The following ZNF347 variants were observed in gnomAD, a reference collection of about 807,000 sequenced individuals.
ZNF347 encodes the protein zinc finger protein 347, also known as CTD-2620I22.7.
ZNF347 carries 19 observed loss-of-function variants against 12.9 expected under a neutral mutation model. That is an observed-to-expected ratio of 1.47 (90% CI 1.03 to 2.16). The LOEUF is 2.16. Ranked by LOEUF, ZNF347 falls within the 30% of genes most tolerant of loss-of-function variation. The probability of loss-of-function intolerance (pLI) is 0.00; values close to 1 mark genes in which losing one functional copy is unlikely to be tolerated. For missense variants in ZNF347, 1,005 were observed against 990.6 expected (o/e 1.01, Z -0.19); for synonymous variants, 328 against 340.6 (o/e 0.96, Z 0.41).
rs925415508 is a variant in ZNF347, at chr19:53,138,031, T to C, written c.*2277A>G. 1 of 152,078 alleles carries C rather than the reference T, an allele frequency of 6.6e-6. No homozygotes were observed. Among genetic ancestry groups the C allele is most frequent in the African/African-American group, 2.4e-5 (1 of 41,396 alleles). The allele number at this position is 152,078 out of a possible 1,614,324, so 9.4% of individuals were successfully genotyped here. ...ACTGTGTTGGCCAGGGTGGTCTCGA[T>C]TTTCTGACCCCATGATCCACCCGCC... On this transcript the variant is annotated 3_prime_UTR_variant, in exon 5 of 5. Coordinates refer to ENST00000334197, the MANE Select transcript of ZNF347 (RefSeq NM_032584.3).
intron 2 of ZNF347, among the ~76,000 whole-genome samples, chr19:53,151,534 T>TAAAAAAAAAAAAAAAAA (rs34905550): frequency 2.5e-5 from 2 of 80,366 alleles, no homozygotes; most frequent in East Asian, 3.7e-4. Flanking sequence ...CAAGACTGTC[T>TAAAAAAAAAAAAAAAAA]AAAAAAAAAA....
At position 53,141,923 on chromosome 19, in the gene ZNF347, G is replaced by C. The variant is rs2090430982; in HGVS notation, c.905C>G (p.Ser302Ter). 5.0e-6 allele frequency: 8 copies of C among 1,613,732 alleles called. No individual in the cohort carries two copies. Among genetic ancestry groups the C allele is most frequent in the Non-Finnish European group, 6.8e-6 (8 of 1,179,956 alleles). ...GATCACCTGATGGGTAGTTAGGTTT[G>C]AACGTGTTCTAAAGGCTTTGCCACA... ...YECGKAFRTR[S>*]NLTTHQVIHT... The change falls in exon 5 of 5, where the codon TCA becomes TGA. Residue 302 changes from serine (S) to a stop codon, truncating the protein, a stop_gained. Transcript: ENST00000334197. LOFTEE classifies it low-confidence loss of function (END_TRUNC).
At position 53,136,034 on chromosome 19, in the gene ZNF347, C is replaced by T. The variant is rs1186170293; in HGVS notation, c.*4274G>A. On this transcript the variant is annotated 3_prime_UTR_variant, in exon 5 of 5. Transcript: ENST00000334197. ...GGGATTCAATGAGAGAAATTATCTCCTTTGCATAAATGATAATTAATATCT... is the reference window on the plus strand; with the variant it reads ...GGGATTCAATGAGAGAAATTATCTCTTTTGCATAAATGATAATTAATATCT... 1 of 151,912 alleles carries T rather than the reference C, an allele frequency of 6.6e-6. No homozygotes were observed. Among genetic ancestry groups the T allele is most frequent in the East Asian group, 1.9e-4 (1 of 5,190 alleles). The allele number at this position is 151,912 out of a possible 1,614,324, so 9.4% of individuals were successfully genotyped here. A position where few individuals can be genotyped will look rare whatever the true frequency, so the allele number is the denominator to read the frequency against.
intron 1 of ZNF347, among the ~76,000 whole-genome samples, chr19:53,154,266 G>A (rs2090517501): frequency 6.6e-6 from 1 of 151,946 alleles, no homozygotes; most frequent in African/African-American, 2.4e-5. Context: ...AAGATCAGTT[G>A]AGGCCAGGAG....
chr19:53,135,317 TA>T lies in ZNF347; in HGVS notation c.*4990del. 3.5e-5 allele frequency: 1 copy of T among 28,516 alleles called. No individual in the cohort carries two copies. The highest frequency in any genetic ancestry group is 8.5e-5 in the Non-Finnish European group (1 of 11,726). 1.8% of individuals were successfully genotyped at this position (28,516 alleles called of 1,614,324 possible). A position where few individuals can be genotyped will look rare whatever the true frequency, so the allele number is the denominator to read the frequency against. On this transcript the variant is annotated 3_prime_UTR_variant, in exon 5 of 5. Coordinates refer to ENST00000334197, the MANE Select transcript of ZNF347 (RefSeq NM_032584.3). ...TTTTCTAAATATATATATATATATATATATATATATATATATATATATAGAG... is the reference window on the plus strand; with the variant it reads ...TTTTCTAAATATATATATATATATATTATATATATATATATATATATAGAG...
chr19:53,141,498 G>C lies in ZNF347; in HGVS notation c.1330C>G (p.Leu444Val), dbSNP rs376850900. ...CGKAFGVRSS[L>V]AIHLVIHTGE... is the part of the protein sequence containing the mutation. Reference sequence around the variant, plus strand: ...GTGTGAATTACCAGATGAATAGCTAGGCTTGAACGAACACCAAAGGCTTTG... The same window carrying C: ...GTGTGAATTACCAGATGAATAGCTACGCTTGAACGAACACCAAAGGCTTTG... The change falls in exon 5 of 5, where the codon CTA becomes GTA. Residue 444 changes from leucine (L) to valine (V), a missense_variant. Physicochemically the swap from Leu to Val is conservative, Grantham distance 32 (BLOSUM62 1). Coordinates refer to ENST00000334197, the MANE Select transcript of ZNF347 (RefSeq NM_032584.3). The C allele has an allele frequency of 1.1e-5, 18 of 1,613,898 alleles. No individual in the cohort carries two copies. The highest frequency in any genetic ancestry group is 1.4e-5 in the Non-Finnish European group (16 of 1,179,998).
Position 53,148,716 on chromosome 19 carries a change from G to T in ZNF347, c.236C>A (p.Pro79Gln), listed in dbSNP as rs1293612253. 6 of 1,613,850 alleles carry T rather than the reference G, an allele frequency of 3.7e-6. No homozygotes were observed. Among genetic ancestry groups the T allele is most frequent in the Non-Finnish European group, 5.1e-6 (6 of 1,179,908 alleles). ...LESQVQIAGN[P>Q]DGWEWIKAVI... is the part of the protein sequence containing the mutation. The stretch of plus-strand genomic sequence containing the variant: ...AGCTTTGATCCATTCCCATCCATCT[G>T]GGTTTCCTGCTATTTGTACTTGGCT... Residue 79 changes from proline to glutamine, a missense_variant, in exon 4 of 5, where the codon CCA (proline) becomes CAA (glutamine). Coordinates refer to ENST00000334197, the MANE Select transcript of ZNF347 (RefSeq NM_032584.3).
At chr19:53,150,772 C>T (rs1198497702) in intron 2 of ZNF347, among the ~76,000 whole-genome samples, 1 of 152,184 alleles carries the variant, frequency 6.6e-6, no homozygotes, top group Non-Finnish European at 1.5e-5. Context: ...GACAGAGTCG[C>T]TCTATCACCC....
At position 53,148,566 on chromosome 19, in the gene ZNF347, C is replaced by T. The variant is rs535289543; in HGVS notation, c.271+115G>A. 7.2e-5 allele frequency: 90 copies of T among 1,250,960 alleles called. 1 individual carries two copies. The highest frequency in any genetic ancestry group is 6.9e-4 in the South Asian group (42 of 61,046). The allele number at this position is 1,250,960 out of a possible 1,614,324, so 77.5% of individuals were successfully genotyped here. ...GACAAAAGGGGGCAAATAAAGATTT[C>T]TGTTCTGAGGTCACAGAATTCAAAC... On this transcript the variant is annotated intron_variant, in intron 4 of 4. Transcript: ENST00000334197.
Position 53,140,103 on chromosome 19 carries a change from T to C in ZNF347, c.*205A>G. 3.9e-6 allele frequency: 2 copies of C among 510,864 alleles called. No homozygotes were observed. Among genetic ancestry groups the C allele is most frequent in the Non-Finnish European group, 6.8e-6 (2 of 294,122 alleles). 31.6% of individuals were successfully genotyped at this position (510,864 alleles called of 1,614,324 possible). A position where few individuals can be genotyped will look rare whatever the true frequency, so the allele number is the denominator to read the frequency against. On this transcript the variant is annotated 3_prime_UTR_variant, in exon 5 of 5. Coordinates refer to ENST00000334197, the MANE Select transcript of ZNF347 (RefSeq NM_032584.3). Reference sequence around the variant, plus strand: ...TTAGTAGAAATGGGGTTTCGCCATGTTGGTCAGGCTGGTCTTGAACTCCTG... The same window carrying C: ...TTAGTAGAAATGGGGTTTCGCCATGCTGGTCAGGCTGGTCTTGAACTCCTG...
At position 53,142,344 on chromosome 19, in the gene ZNF347, T is replaced by C. The variant is rs780712261; in HGVS notation, c.484A>G (p.Asn162Asp). The C allele has an allele frequency of 5.0e-6, 8 of 1,614,174 alleles. No individual in the cohort carries two copies. Among genetic ancestry groups the C allele is most frequent in the Non-Finnish European group, 6.8e-6 (8 of 1,180,016 alleles). The change falls in exon 5 of 5, where the codon AAT becomes GAT. Residue 162 changes from asparagine (N) to aspartate (D), a missense_variant. Asn to Asp is a conservative substitution (Grantham distance 23). Coordinates refer to ENST00000334197, the MANE Select transcript of ZNF347 (RefSeq NM_032584.3). ...TGTTCATCTCTTCCATGAGTGAGAT[T>C]GCCTTCTTGGGTCAAAAGCACTCCT... ...YKGVLLTQEG[N>D]LTHGRDEHDK...
chr19:53,140,364 C>T lies in ZNF347; in HGVS notation c.2464G>A (p.Val822Met), dbSNP rs368225234. The T allele has an allele frequency of 1.2e-4, 192 of 1,596,806 alleles. No individual in the cohort carries two copies. Among genetic ancestry groups the T allele is most frequent in the Non-Finnish European group, 1.6e-4 (182 of 1,173,018 alleles). ...AACTCTGACTTTAGAACTTTCCACA[C>T]GTTACATTTGTAAGGTTTCCCACCA... ...HTGGKPYKCN[V>M]WKVLKSEFKP... Residue 822 changes from valine (V) to methionine (M), a missense_variant, in exon 5 of 5, where the codon GTG becomes ATG. By Grantham distance (21) the Val-to-Met change is conservative. Transcript: ENST00000334197.
intron 1 of ZNF347, 57 bp from the exon 2 acceptor site, chr19:53,153,850 T>C (rs2146813688): frequency 1.5e-6 from 2 of 1,361,630 alleles, no homozygotes; most frequent in Non-Finnish European, 2.1e-6. Context: ...AAATGTGCTG[T>C]TTATTGCTCA....
At chr19:53,155,328 G>GTGTGTGTT in intron 1 of ZNF347, among the ~76,000 whole-genome samples, 1 of 140,612 alleles carries the variant, frequency 7.1e-6, no homozygotes, top group East Asian at 2.0e-4. Flanking sequence ...GTGTGTGTGT[G>GTGTGTGTT]TGTGTGTTTG....
intron 1 of ZNF347, among the ~76,000 whole-genome samples, chr19:53,155,881 G>A (rs1198001500): frequency 1.3e-5 from 2 of 152,150 alleles, no homozygotes; most frequent in African/African-American, 4.8e-5. Context: ...CCTGACAGGT[G>A]GGTGGGCCAC....
At chr19:53,150,367 T>TCA (rs1311921589) in intron 2 of ZNF347, among the ~76,000 whole-genome samples, 2 of 152,226 alleles carry the variant, frequency 1.3e-5, no homozygotes, top group African/African-American at 2.4e-5. Context: ...CACCACATCC[T>TCA]CACACACACA....
At chr19:53,155,841 C>T (rs926647329) in intron 1 of ZNF347, among the ~76,000 whole-genome samples, 1 of 152,134 alleles carries the variant, frequency 6.6e-6, no homozygotes, top group African/African-American at 2.4e-5. Context: ...ACAGGCCATT[C>T]CCAGTCACTA....
intron 1 of ZNF347, among the ~76,000 whole-genome samples, chr19:53,155,697 T>C (rs915231710): frequency 9.9e-5 from 15 of 152,032 alleles, no homozygotes; most frequent in Non-Finnish European, 1.8e-4. Flanking sequence ...CCCTTGAAGT[T>C]AAAATTTTGA....
At position 53,140,605 on chromosome 19, in the gene ZNF347, C is replaced by T. The variant is rs764620733; in HGVS notation, c.2223G>A (p.Glu741=). The T allele has an allele frequency of 8.1e-6, 13 of 1,613,710 alleles. No homozygotes were observed. The highest frequency in any genetic ancestry group is 1.1e-5 in the Non-Finnish European group (13 of 1,179,916). The stretch of plus-strand genomic sequence containing the variant: ...AATTCTGAGTGAAGACCTTCCCACA[C>T]TCATTGCATTTGTAAGGTTTTTTTC... ...HTGKKPYKCN[E]CGKVFTQNSH... Residue 741 remains glutamate (E), a synonymous_variant, in exon 5 of 5, where the codon GAG becomes GAA. Coordinates refer to ENST00000334197, the MANE Select transcript of ZNF347 (RefSeq NM_032584.3).
Sources: gnomAD v4.1 joint callset for allele counts (sites outside exome capture counted in the v4.1 genomes callset) on GRCh38, gnomAD v4.1.1 for gene constraint, MANE v1.5 for transcripts, NCBI Gene and HGNC (gene_info 2026-07-23, HGNC 2026-07-21) for gene names.